CNOT6L: variants seen among roughly 807,000 people sequenced by gnomAD.
CNOT6L encodes the protein CCR4-NOT transcription complex subunit 6-like.
Under a neutral mutation model 64.0 loss-of-function variants are expected in CNOT6L, and 7 were observed. The observed-to-expected ratio is 0.11, with a 90% CI of 0.06 to 0.21. The LOEUF (loss-of-function observed/expected upper bound fraction) is 0.21. CNOT6L is among the 10% of genes least tolerant of loss of function. CNOT6L has a pLI of 1.00. For missense variants in CNOT6L, 245 were observed against 669.0 expected, an observed-to-expected ratio of 0.37 and a Z score of 6.99; for synonymous variants, 193 against 243.4, an observed-to-expected ratio of 0.79 and a Z score of 1.93.
Position 77,754,061 on chromosome 4 carries a change from G to C in CNOT6L, c.490+2801C>G, listed in dbSNP as rs537660410. ...CATTATCACCACTTTTAGCTAGTTA[G>C]TGCAGTAAGAGCAGGTTGGCAAGAA... On this transcript the variant is annotated intron_variant, in intron 5 of 11. Coordinates refer to ENST00000504123, the MANE Select transcript of CNOT6L (RefSeq NM_144571.3). Among the ~76,000 whole-genome samples the C allele has an allele frequency of 2.0e-5, 3 of 152,240 alleles. No individual in the cohort carries two copies. The East Asian group carries it at 5.8e-4, about 29-fold the overall frequency.
At chr4:77,724,905 C>G (rs182054973) in intron 11 of CNOT6L, among the ~76,000 whole-genome samples, 1 of 149,502 alleles carries the variant, frequency 6.7e-6, no homozygotes, top group Admixed American at 6.8e-5. Flanking sequence ...CTAGTGCTAG[C>G]TTTCTTAGCA....
intron 4 of CNOT6L, among the ~76,000 whole-genome samples, chr4:77,762,772 G>A (rs1708203786): frequency 6.6e-6 from 1 of 152,124 alleles, no homozygotes; most frequent in Non-Finnish European, 1.5e-5. Context: ...TTCTGGAAAA[G>A]TAGTTGTCAA....
At chr4:77,765,933 C>G (rs1726770754) in intron 4 of CNOT6L, among the ~76,000 whole-genome samples, 1 of 152,176 alleles carries the variant, frequency 6.6e-6, no homozygotes, top group African/African-American at 2.4e-5. Flanking sequence ...GCATGCAATA[C>G]AAACTGACTG....
chr4:77,758,453 A>G (rs1432960744), intron 4 of CNOT6L, among the ~76,000 whole-genome samples: 2 of 152,222 alleles, frequency 1.3e-5, no homozygotes, highest in Admixed American at 1.3e-4. Flanking sequence ...TTAGAATACT[A>G]TATGAAATTG....
chr4:77,784,792 AC>A (rs1477608173), intron 1 of CNOT6L, among the ~76,000 whole-genome samples: 2 of 151,600 alleles, frequency 1.3e-5, no homozygotes, highest in Non-Finnish European at 2.9e-5. Flanking sequence ...CCTTCTTTCC[AC>A]TTTTTTGATT....
chr4:77,731,146 A>T (rs1355288189), intron 9 of CNOT6L, among the ~76,000 whole-genome samples: 1 of 152,116 alleles, frequency 6.6e-6, no homozygotes, highest in African/African-American at 2.4e-5. Context: ...ATGGCATATT[A>T]AAAAAGACTT....
At chr4:77,741,811 G>A (rs1362812370) in intron 8 of CNOT6L, among the ~76,000 whole-genome samples, 4 of 151,652 alleles carry the variant, frequency 2.6e-5, no homozygotes, top group South Asian at 2.1e-4. Context: ...ATCACTTATG[G>A]CCAACCTTAA....
At chr4:77,722,580 C>T (rs1190459760) in intron 11 of CNOT6L, among the ~76,000 whole-genome samples, 1 of 152,080 alleles carries the variant, frequency 6.6e-6, no homozygotes, top group African/African-American at 2.4e-5. Flanking sequence ...ATTAGAGTGC[C>T]GTCATGCACA....
At chr4:77,777,966 T>C (rs1396035695) in intron 1 of CNOT6L, among the ~76,000 whole-genome samples, 1 of 152,244 alleles carries the variant, frequency 6.6e-6, no homozygotes, top group African/African-American at 2.4e-5. Context: ...TTTCCATATC[T>C]GTTCATATGT....
At chr4:77,771,091 G>A (rs756076934) in intron 4 of CNOT6L, among the ~76,000 whole-genome samples, 48 of 152,192 alleles carry the variant, frequency 3.2e-4, no homozygotes, top group African/African-American at 1.1e-3. Flanking sequence ...AGGCTGAGGT[G>A]GGCGGATCAC....
In CNOT6L at chr4:77,718,117, C is replaced by T. The variant is rs1720937291; in HGVS notation, c.*2314G>A. 6.6e-6 allele frequency: 1 copy of T among 152,224 alleles called. No individual in the cohort carries two copies. Among genetic ancestry groups the T allele is most frequent in the South Asian group, 2.1e-4 (1 of 4,820 alleles). The allele number at this position is 152,224 out of a possible 1,614,324, so 9.4% of individuals were successfully genotyped here. A position where few individuals can be genotyped will look rare whatever the true frequency, so the allele number is the denominator to read the frequency against. On this transcript the variant is annotated 3_prime_UTR_variant, in exon 12 of 12. Transcript: ENST00000504123. The stretch of plus-strand genomic sequence containing the variant: ...AATGGGCTCCTCTGTGGTTCATATA[C>T]AATCATAAGTGAACTTTAAATTCCA...
intron 1 of CNOT6L, among the ~76,000 whole-genome samples, chr4:77,789,089 T>C (rs1729785795): frequency 6.6e-6 from 1 of 152,216 alleles, no homozygotes; most frequent in Non-Finnish European, 1.5e-5. Context: ...AAAACTGGTA[T>C]GCTTGAATGG....
intron 1 of CNOT6L, among the ~76,000 whole-genome samples, chr4:77,798,835 A>C (rs991809185): frequency 1.4e-5 from 2 of 140,266 alleles, no homozygotes; most frequent in African/African-American, 5.2e-5. Flanking sequence ...AAAAAAAAAT[A>C]GCCAGGCATG....
chr4:77,819,655 T>G (rs1175432427), upstream of CNOT6L: 2 of 148,878 alleles, frequency 1.3e-5, no homozygotes, highest in Non-Finnish European at 2.9e-5. Flanking sequence ...CTGGTGCTGG[T>G]GCTGCGGCGG....
At chr4:77,813,721 G>A (rs1489455145) in intron 1 of CNOT6L, among the ~76,000 whole-genome samples, 1 of 152,062 alleles carries the variant, frequency 6.6e-6, no homozygotes, top group Non-Finnish European at 1.5e-5. Flanking sequence ...CCTGCTAGAA[G>A]AACTATGATG....
At chr4:77,744,965 C>A in intron 6 of CNOT6L, 90 bp from the exon 7 acceptor site, 1 of 962,588 alleles carries the variant, frequency 1.0e-6, no homozygotes, top group African/African-American at 1.6e-5. Flanking sequence ...TGCACAAGCA[C>A]ACACACATAC....
chr4:77,761,730 A>C (rs1238751394), intron 4 of CNOT6L, among the ~76,000 whole-genome samples: 2 of 152,172 alleles, frequency 1.3e-5, no homozygotes, highest in Non-Finnish European at 2.9e-5. Context: ...GATGTGCACC[A>C]TTGTCACTTC....
chr4:77,799,414 A>G (rs1447131730), intron 1 of CNOT6L, among the ~76,000 whole-genome samples: 3 of 152,130 alleles, frequency 2.0e-5, no homozygotes, highest in Non-Finnish European at 2.9e-5. Context: ...GTCAAAAGTA[A>G]TATGTTCAGG....
At chr4:77,812,082 T>C (rs1325755204) in intron 1 of CNOT6L, among the ~76,000 whole-genome samples, 1 of 152,172 alleles carries the variant, frequency 6.6e-6, no homozygotes, top group African/African-American at 2.4e-5. Context: ...AAAAGCAGAA[T>C]TGAAACTTCA....
Sources: allele counts gnomAD v4.1 joint callset (sites outside exome capture counted in the v4.1 genomes callset), GRCh38; gene constraint gnomAD v4.1.1; transcripts MANE v1.5; gene names NCBI Gene and HGNC (gene_info 2026-07-23, HGNC 2026-07-21).